The following P2RX3 variants were observed in gnomAD, a reference collection of about 807,000 sequenced individuals.
The protein encoded by P2RX3 is purinergic receptor P2X 3.
In P2RX3, 41 loss-of-function variants were observed where a neutral mutation model predicts 51.5. The observed-to-expected ratio is 0.80, with a 90% CI of 0.62 to 1.03. The LOEUF is 1.03. Among genes scored for constraint, P2RX3 ranks in the 50% least tolerant of loss-of-function variants. P2RX3 has a pLI of 0.00. For synonymous variants in P2RX3, 185 were observed against 191.6 expected, an observed-to-expected ratio of 0.97 and a Z score of 0.29; for missense variants, 459 against 522.1, an observed-to-expected ratio of 0.88 and a Z score of 1.18.
At chr11:57,357,649 TA>T (rs1383602486) in intron 8 of P2RX3, among the ~76,000 whole-genome samples, 2 of 152,186 alleles carry the variant, frequency 1.3e-5, no homozygotes, top group African/African-American at 2.4e-5. Flanking sequence ...AATGCATTTT[TA>T]AAGATCAACA....
At chr11:57,356,092 A>C (rs1467854127) in intron 8 of P2RX3, among the ~76,000 whole-genome samples, 1 of 152,204 alleles carries the variant, frequency 6.6e-6, no homozygotes, top group Non-Finnish European at 1.5e-5. Context: ...TAAGTTTGCA[A>C]AGCCCTTTCA....
chr11:57,349,973 G>C (rs1856514320), intron 7 of P2RX3, 75 bp downstream of exon 7: 1 of 1,578,188 alleles, frequency 6.3e-7, no homozygotes, highest in Admixed American at 1.8e-5. Context: ...GGGCCCTTTG[G>C]CCGGCACTGG....
chr11:57,366,442 C>G (rs750988906), intron 8 of P2RX3, among the ~76,000 whole-genome samples: 1 of 152,042 alleles, frequency 6.6e-6, no homozygotes, highest in Non-Finnish European at 1.5e-5. Flanking sequence ...ACCCAGAAGC[C>G]AAGGCAGAGA....
chr11:57,346,297 A>AG (rs987924190), intron 1 of P2RX3, among the ~76,000 whole-genome samples: 1 of 152,162 alleles, frequency 6.6e-6, no homozygotes, highest in Non-Finnish European at 1.5e-5. Context: ...AGTTTCATGG[A>AG]GGGGGGGACC....
rs754993362 is a variant in P2RX3 at position 57,368,105 on chromosome 11, G to C, written c.936+3G>C. ...TCGACGTGCTGGTATACGGGAATGT[G>C]AGTCCATGGGCCAGGCAGATGGGGT... On this transcript the variant is annotated splice_donor_region_variant and intron_variant, in intron 9 of 11. Transcript: ENST00000263314. The C allele has an allele frequency of 6.2e-7, 1 of 1,613,846 alleles. No individual in the cohort carries two copies. Among genetic ancestry groups the C allele is most frequent in the South Asian group, 1.1e-5 (1 of 91,070 alleles).
At chr11:57,353,967 A>G (rs754208177) in intron 8 of P2RX3, among the ~76,000 whole-genome samples, 1 of 152,048 alleles carries the variant, frequency 6.6e-6, no homozygotes, top group Non-Finnish European at 1.5e-5. Flanking sequence ...GAGGAAGCGG[A>G]AGTTCCAAAG....
In P2RX3 at chr11:57,346,635, G is replaced by A. The variant is rs34572680; in HGVS notation, c.211G>A (p.Ala71Thr). The A allele has an allele frequency of 0.039, 63,372 of 1,614,098 alleles. 1,445 individuals are homozygous for A. Among genetic ancestry groups the A allele is most frequent in the South Asian group, 0.044 (3,981 of 91,076 alleles). ...CAAGGTGAAGGGCTCCGGACTCTAC[G>A]CCAACAGAGTCATGGATGTGTCTGA... ...VTKVKGSGLY[A>T]NRVMDVSDYV... Residue 71 changes from alanine to threonine, a missense_variant, in exon 2 of 12, where the codon GCC becomes ACC. Transcript: ENST00000263314.
At chr11:57,366,821 T>C (rs1423476978) in intron 8 of P2RX3, among the ~76,000 whole-genome samples, 1 of 152,050 alleles carries the variant, frequency 6.6e-6, no homozygotes, top group African/African-American at 2.4e-5. Context: ...AGATCTCTCT[T>C]CCTCTTCTTA....
chr11:57,349,709 G>A (rs1179364051), intron 6 of P2RX3, 48 bp from the exon 7 acceptor site: 1 of 1,611,456 alleles, frequency 6.2e-7, no homozygotes. Context: ...TGCACAAGAC[G>A]ATCTTCCCAT....
chr11:57,363,433 A>T (rs149738571), intron 8 of P2RX3, among the ~76,000 whole-genome samples: 259 of 152,252 alleles, frequency 1.7e-3, no homozygotes, highest in African/African-American at 6.1e-3. Flanking sequence ...GCAGTCATTC[A>T]GGGATCTAGG....
In P2RX3 at chr11:57,341,547, A is replaced by C. The variant is rs117822954; in HGVS notation, c.119+2878A>C. 3.3e-5 allele frequency among the ~76,000 whole-genome samples: 5 copies of C among 152,092 alleles called. No individual in the cohort carries two copies. The East Asian group carries it at 9.7e-4, about 29-fold the overall frequency. On this transcript the variant is annotated intron_variant, in intron 1 of 11. Coordinates refer to ENST00000263314, the MANE Select transcript of P2RX3 (RefSeq NM_002559.5). ...GGCCTGGACTTACCTGATGTTTCTC[A>C]CATCTTTTCTGGGTCCACGTGGTAA...
At position 57,350,798 on chromosome 11, in the gene P2RX3, G is replaced by C; in HGVS notation, c.742G>C (p.Asp248His). Residue 248 changes from aspartate to histidine, a missense_variant, in exon 8 of 12, where the codon GAC (aspartate) becomes CAC (histidine). Transcript: ENST00000263314. ...VLGIKIGWVC[D>H]LDKAWDQCIP... ...GGGCATTAAGATCGGCTGGGTGTGC[G>C]ACTTGGACAAGGCCTGGGACCAGTG... is the stretch of plus-strand genomic sequence containing the variant. 6.2e-7 allele frequency: 1 copy of C among 1,613,922 alleles called. No homozygotes were observed. The highest frequency in any genetic ancestry group is 8.5e-7 in the Non-Finnish European group (1 of 1,179,990).
intron 10 of P2RX3, 87 bp downstream of exon 10, chr11:57,368,524 A>C: frequency 7.0e-7 from 1 of 1,437,864 alleles, no homozygotes; most frequent in Non-Finnish European, 9.8e-7. Flanking sequence ...CGGCGGCAAA[A>C]CTCTGCCTCT....
Position 57,346,669 on chromosome 11 carries a change from C to T in P2RX3, c.245C>T (p.Thr82Met), listed in dbSNP as rs369541366. 2.7e-5 allele frequency: 44 copies of T among 1,613,842 alleles called. No individual in the cohort carries two copies. Among genetic ancestry groups the T allele is most frequent in the African/African-American group, 1.9e-4 (14 of 75,018 alleles). Reference sequence around the variant, plus strand: ...GTCATGGATGTGTCTGATTACGTGACGCCACCTCAGGTATGGTACCCCTAC... The same window carrying T: ...GTCATGGATGTGTCTGATTACGTGATGCCACCTCAGGTATGGTACCCCTAC... ...NRVMDVSDYVTPPQGTSVFVI... is the reference protein window; with the variant it reads ...NRVMDVSDYVMPPQGTSVFVI... The change falls in exon 2 of 12, where the codon ACG becomes ATG. Residue 82 changes from threonine to methionine, a missense_variant. Thr to Met is a moderately conservative substitution (Grantham distance 81, BLOSUM62 -1). Transcript: ENST00000263314.
upstream of P2RX3, among the ~76,000 whole-genome samples, chr11:57,337,763 A>G (rs1412631444): frequency 1.3e-5 from 2 of 152,258 alleles, no homozygotes; most frequent in Non-Finnish European, 2.9e-5. Context: ...ACACACCAAC[A>G]TGGCACACGT....
At position 57,370,107 on chromosome 11, in the gene P2RX3, T is replaced by G; in HGVS notation, c.*110T>G. 1.0e-5 allele frequency: 8 copies of G among 764,102 alleles called. No individual in the cohort carries two copies. The highest frequency in any genetic ancestry group is 2.7e-5 in the East Asian group (1 of 36,512). The allele number at this position is 764,102 out of a possible 1,614,324, so 47.3% of individuals were successfully genotyped here. On this transcript the variant is annotated 3_prime_UTR_variant, in exon 12 of 12. Coordinates refer to ENST00000263314, the MANE Select transcript of P2RX3 (RefSeq NM_002559.5). ...GAGGGGCTCTCATTTCTGCTGCTCATTCCATGAGCATAGCTGGGACCCAAG... is the reference window on the plus strand; with the variant it reads ...GAGGGGCTCTCATTTCTGCTGCTCAGTCCATGAGCATAGCTGGGACCCAAG...
Position 57,338,432 on chromosome 11 carries a change from C to A in P2RX3, c.-119C>A. The A allele has an allele frequency of 1.7e-6, 1 of 596,242 alleles. No homozygotes were observed. The highest frequency in any genetic ancestry group is 3.0e-6 in the Non-Finnish European group (1 of 328,206). The allele number at this position is 596,242 out of a possible 1,614,324, so 36.9% of individuals were successfully genotyped here. Reference sequence around the variant, plus strand: ...TTAAAGGGACAGGCTCCCCATTCCTCCAACCCCTCTAAGCTGCCCCCTCCA... The same window carrying A: ...TTAAAGGGACAGGCTCCCCATTCCTACAACCCCTCTAAGCTGCCCCCTCCA... On this transcript the variant is annotated 5_prime_UTR_variant, in exon 1 of 12. Transcript: ENST00000263314.
At chr11:57,343,267 G>A (rs1031024269) in intron 1 of P2RX3, among the ~76,000 whole-genome samples, 3 of 152,194 alleles carry the variant, frequency 2.0e-5, no homozygotes, top group Admixed American at 6.5e-5. Context: ...AGGAGGAGGA[G>A]GTAGGAGATT....
intron 1 of P2RX3, among the ~76,000 whole-genome samples, chr11:57,340,912 G>C (rs910470751): frequency 6.6e-6 from 1 of 152,204 alleles, no homozygotes; most frequent in African/African-American, 2.4e-5. Context: ...CTGGCAAACA[G>C]GGGAAAGAAA....
Sources: allele counts gnomAD v4.1 joint callset (sites outside exome capture counted in the v4.1 genomes callset), GRCh38; gene constraint gnomAD v4.1.1; transcripts MANE v1.5; gene names NCBI Gene and HGNC (gene_info 2026-07-23, HGNC 2026-07-21).